The following BMPER variants were observed in gnomAD, a reference collection of about 807,000 sequenced individuals.
BMPER encodes the protein BMP binding endothelial regulator.
Under a neutral mutation model 87.3 loss-of-function variants are expected in BMPER, and 45 were observed. The ratio of observed to expected loss-of-function variants is 0.52; its 90% CI spans 0.41 to 0.66. BMPER has a LOEUF of 0.66. Among genes scored for constraint, BMPER ranks in the 30% least tolerant of loss-of-function variants. The pLI is 0.00. For synonymous variants in BMPER, 326 were observed against 316.2 expected (o/e 1.03, Z -0.33); for missense variants, 784 against 867.5 (o/e 0.90, Z 1.21).
intron 6 of BMPER, among the ~76,000 whole-genome samples, chr7:34,018,663 G>T (rs1218449241): frequency 6.6e-6 from 1 of 151,794 alleles, no homozygotes; most frequent in Non-Finnish European, 1.5e-5. Flanking sequence ...GGTCTGCCTT[G>T]GCTTTTCTGC....
chr7:34,087,465 C>G (rs189922650), intron 13 of BMPER, among the ~76,000 whole-genome samples: 1 of 152,192 alleles, frequency 6.6e-6, no homozygotes, highest in Non-Finnish European at 1.5e-5. Context: ...AAATCCAGCC[C>G]AGCTATGCAA....
intron 13 of BMPER, among the ~76,000 whole-genome samples, chr7:34,103,747 C>T (rs1789746394): frequency 6.6e-6 from 1 of 152,142 alleles, no homozygotes. Flanking sequence ...ATCAGGGGAG[C>T]ATGTTTACAG....
intron 3 of BMPER, among the ~76,000 whole-genome samples, chr7:33,961,196 G>C (rs1172125968): frequency 6.6e-6 from 1 of 152,112 alleles, no homozygotes; most frequent in Non-Finnish European, 1.5e-5. Context: ...TACAAGTTTG[G>C]GAACAGCAGA....
intron 13 of BMPER, among the ~76,000 whole-genome samples, chr7:34,093,275 A>G (rs1186806086): frequency 1.3e-5 from 2 of 152,220 alleles, no homozygotes; most frequent in African/African-American, 4.8e-5. Flanking sequence ...GGGCATTGCC[A>G]ACCAGCAATG....
chr7:33,940,217 G>A (rs932558451), intron 3 of BMPER, among the ~76,000 whole-genome samples: 7 of 152,070 alleles, frequency 4.6e-5, no homozygotes, highest in Non-Finnish European at 7.4e-5. Flanking sequence ...TACCCATATT[G>A]CATTATTTAT....
At chr7:33,927,072 AGT>A (rs1784377801) in intron 2 of BMPER, among the ~76,000 whole-genome samples, 4 of 152,214 alleles carry the variant, frequency 2.6e-5, no homozygotes, top group Admixed American at 2.6e-4. Context: ...TGTCTTTAAG[AGT>A]GTCTCACTGG....
chr7:34,063,446 A>G (rs1255328983), intron 11 of BMPER, among the ~76,000 whole-genome samples: 1 of 151,976 alleles, frequency 6.6e-6, no homozygotes, highest in Non-Finnish European at 1.5e-5. Context: ...TATCTACTAT[A>G]TATGTTGCTA....
intron 6 of BMPER, among the ~76,000 whole-genome samples, chr7:34,010,897 T>A (rs1199024894): frequency 6.6e-6 from 1 of 151,954 alleles, no homozygotes; most frequent in Non-Finnish European, 1.5e-5. Context: ...CAGCCTAGCA[T>A]GTTTTTCTGA....
chr7:34,097,114 G>A (rs1477308143), intron 13 of BMPER, among the ~76,000 whole-genome samples: 1 of 152,238 alleles, frequency 6.6e-6, no homozygotes, highest in Non-Finnish European at 1.5e-5. Flanking sequence ...CTGCCTGGGG[G>A]CTGGCTTCCT....
At chr7:33,954,431 G>A (rs1014638378) in intron 3 of BMPER, among the ~76,000 whole-genome samples, 53 of 152,046 alleles carry the variant, frequency 3.5e-4, no homozygotes, top group African/African-American at 1.1e-3. Flanking sequence ...TTATCTTCCC[G>A]GCACTGTTTT....
At chr7:34,082,328 G>GTTTTTTTTTTTTTT in intron 12 of BMPER, among the ~76,000 whole-genome samples, 1 of 116,442 alleles carries the variant, frequency 8.6e-6, no homozygotes, top group Non-Finnish European at 1.7e-5. Flanking sequence ...CAACTTATTA[G>GTTTTTTTTTTTTTT]TTTTTTTTTT....
intron 6 of BMPER, among the ~76,000 whole-genome samples, chr7:34,038,892 A>T (rs1787757879): frequency 1.3e-5 from 2 of 152,244 alleles, no homozygotes; most frequent in South Asian, 4.1e-4. Context: ...TTTGGGGGTC[A>T]GAAAGCTTCC....
intron 2 of BMPER, among the ~76,000 whole-genome samples, chr7:33,907,962 CA>C (rs1340753406): frequency 6.6e-6 from 1 of 152,176 alleles, no homozygotes; most frequent in East Asian, 1.9e-4. Context: ...ATGGCTGTAT[CA>C]AACAATTATC....
chr7:34,082,845 C>T (rs1330022850), intron 12 of BMPER, among the ~76,000 whole-genome samples: 2 of 152,104 alleles, frequency 1.3e-5, no homozygotes, highest in Non-Finnish European at 2.9e-5. Context: ...TATTTGCCTG[C>T]TGTCTAGGAA....
intron 13 of BMPER, among the ~76,000 whole-genome samples, chr7:34,138,582 G>T (rs543727893): frequency 6.6e-6 from 1 of 152,362 alleles, no homozygotes; most frequent in African/African-American, 2.4e-5. Flanking sequence ...AAGATGCCAG[G>T]AGTGGGGCAG....
Position 34,152,400 on chromosome 7 carries a change from T to C in BMPER, c.1877-692T>C, listed in dbSNP as rs1216075115. Among the ~76,000 whole-genome samples the C allele has an allele frequency of 1.3e-5, 2 of 152,180 alleles. 1 individual carries two copies. The highest frequency in any genetic ancestry group is 1.3e-4 in the Admixed American group (2 of 15,274). ...CATTATTTTTTTCTGACAAGTCTAG[T>C]CATGAATTTTCAGGATCTCTCATAA... On this transcript the variant is annotated intron_variant, in intron 14 of 14. Coordinates refer to ENST00000649409, the MANE Select transcript of BMPER (RefSeq NM_001365308.1).
chr7:34,014,086 G>A (rs1333348136), intron 6 of BMPER, among the ~76,000 whole-genome samples: 5 of 151,882 alleles, frequency 3.3e-5, no homozygotes, highest in Admixed American at 2.6e-4. Flanking sequence ...AAACCTAACA[G>A]TGCTGTGAAA....
chr7:34,028,930 G>C (rs1787453677), intron 6 of BMPER, among the ~76,000 whole-genome samples: 1 of 151,978 alleles, frequency 6.6e-6, no homozygotes, highest in Admixed American at 6.6e-5. Flanking sequence ...GATTCTACAT[G>C]AAGCCTTTCT....
At chr7:34,147,516 G>T (rs1327657502) in intron 14 of BMPER, among the ~76,000 whole-genome samples, 1 of 152,142 alleles carries the variant, frequency 6.6e-6, no homozygotes, top group Non-Finnish European at 1.5e-5. Context: ...TGTTGCCCAG[G>T]CTGGAGTGCA....
Sources: gnomAD v4.1 joint callset for allele counts (sites outside exome capture counted in the v4.1 genomes callset) on GRCh38, gnomAD v4.1.1 for gene constraint, MANE v1.5 for transcripts, NCBI Gene and HGNC (gene_info 2026-07-23, HGNC 2026-07-21) for gene names.